Variants in ADAMTS16 observed in about 807,000 individuals in gnomAD.
The protein encoded by ADAMTS16 is ADAM metallopeptidase with thrombospondin type 1 motif 16.
In ADAMTS16, 94 loss-of-function variants were observed where a neutral mutation model predicts 145.8. The observed-to-expected ratio is 0.64, with a 90% CI of 0.55 to 0.77. The LOEUF is 0.77. Ranked by LOEUF, ADAMTS16 falls within the 30% of genes least tolerant of loss-of-function variation. The pLI is 0.00. For missense variants in ADAMTS16, 1,585 were observed against 1,591.5 expected (o/e 1.00, Z 0.07); for synonymous variants, 659 against 604.3 (o/e 1.09, Z -1.33).
chr5:5,312,894 A>T (rs1415363054), intron 21 of ADAMTS16, among the ~76,000 whole-genome samples: 1 of 152,224 alleles, frequency 6.6e-6, no homozygotes, highest in African/African-American at 2.4e-5. Flanking sequence ...GGTCAGGGAC[A>T]AAGAGGAAAC....
At chr5:5,178,400 A>G (rs1212637346) in intron 3 of ADAMTS16, among the ~76,000 whole-genome samples, 2 of 152,332 alleles carry the variant, frequency 1.3e-5, no homozygotes, top group East Asian at 3.9e-4. Flanking sequence ...AGACATTTTG[A>G]GTTTCCAAAC....
At chr5:5,274,749 T>C (rs1560982090) in intron 18 of ADAMTS16, among the ~76,000 whole-genome samples, 2 of 151,628 alleles carry the variant, frequency 1.3e-5, no homozygotes, top group African/African-American at 2.4e-5. Flanking sequence ...TATATATATA[T>C]ACACATATAT....
At chr5:5,298,961 G>A (rs1465809023) in intron 18 of ADAMTS16, among the ~76,000 whole-genome samples, 3 of 151,834 alleles carry the variant, frequency 2.0e-5, no homozygotes, top group Admixed American at 1.3e-4. Context: ...GAGTCCCCAC[G>A]TCTAACTCTG....
In ADAMTS16 at chr5:5,173,631, G is replaced by A. The variant is rs556601788; in HGVS notation, c.502-8413G>A. 6.6e-5 allele frequency among the ~76,000 whole-genome samples: 10 copies of A among 151,910 alleles called. No individual in the cohort carries two copies. In the South Asian group the frequency reaches 1.0e-3, roughly 16 times the overall value. ...TGGGACTACAGGTGCCCGCCACCAC[G>A]CCCAGCTAATTTTTTGTATTTTTAG... On this transcript the variant is annotated intron_variant, in intron 3 of 22. Coordinates refer to ENST00000274181, the MANE Select transcript of ADAMTS16 (RefSeq NM_139056.4).
chr5:5,310,622 G>A lies in ADAMTS16; in HGVS notation c.3411+3894G>A, dbSNP rs910559531. Among the ~76,000 whole-genome samples, 7 of 152,224 alleles carry A rather than the reference G, an allele frequency of 4.6e-5. No homozygotes were observed. The highest frequency in any genetic ancestry group is 2.1e-4 in the South Asian group (1 of 4,816). On this transcript the variant is annotated intron_variant, in intron 21 of 22. Transcript: ENST00000274181. This position sits in a 1 kb window ranked among gnomAD's most constrained non-coding sequence, Gnocchi z 4.3. The stretch of plus-strand genomic sequence containing the variant: ...GTGATGGGTGACAGAGGCAGGCATC[G>A]GAGTGGTGCCCATATGACAAAGAAC...
chr5:5,158,909 G>A (rs1341323930), intron 3 of ADAMTS16, among the ~76,000 whole-genome samples: 1 of 152,196 alleles, frequency 6.6e-6, no homozygotes. Context: ...TGCCTATCGT[G>A]TATTAAGATT....
intron 3 of ADAMTS16, among the ~76,000 whole-genome samples, chr5:5,163,290 C>T (rs4701692): frequency 1.1e-4 from 16 of 152,112 alleles, no homozygotes; most frequent in Non-Finnish European, 1.5e-4. Flanking sequence ...ATTGGGTAAC[C>T]TGAGCATAAA....
At chr5:5,192,358 A>C (rs1378343252) in intron 8 of ADAMTS16, among the ~76,000 whole-genome samples, 1 of 152,112 alleles carries the variant, frequency 6.6e-6, no homozygotes, top group Non-Finnish European at 1.5e-5. Flanking sequence ...ATCTCATTCC[A>C]TGGTTAGCTG....
At chr5:5,209,882 G>A (rs180832066) in intron 10 of ADAMTS16, among the ~76,000 whole-genome samples, 1 of 152,206 alleles carries the variant, frequency 6.6e-6, no homozygotes, top group East Asian at 1.9e-4. Context: ...CTATTTTTAA[G>A]GTTTCTTTTA....
In ADAMTS16 at chr5:5,235,023, T is replaced by C. The variant is rs762948044; in HGVS notation, c.1860T>C (p.His620=). The change falls in exon 13 of 23, where the codon CAT becomes CAC. Residue 620 remains histidine (H), a synonymous_variant. Coordinates refer to ENST00000274181, the MANE Select transcript of ADAMTS16 (RefSeq NM_139056.4). ...AAAATACACATTCCAGGCCATCGCA[T>C]GGAGGGAAGTTCTGTGAGGGCTCCA... is the stretch of plus-strand genomic sequence containing the variant. The part of the protein sequence containing the change: ...SRLCTNPKPS[H]GGKFCEGSTR... The C allele has an allele frequency of 3.2e-6, 5 of 1,573,758 alleles. No homozygotes were observed. Among genetic ancestry groups the C allele is most frequent in the Non-Finnish European group, 4.3e-6 (5 of 1,151,652 alleles).
At chr5:5,265,084 G>A (rs73735775) in intron 18 of ADAMTS16, among the ~76,000 whole-genome samples, 18,011 of 152,212 alleles carry the variant, frequency 0.12, 1,275 homozygotes, top group East Asian at 0.27. Context: ...CACCCTCATC[G>A]TTTAGGAAAT....
intron 3 of ADAMTS16, among the ~76,000 whole-genome samples, chr5:5,169,217 T>C (rs1734980362): frequency 6.6e-6 from 1 of 152,210 alleles, no homozygotes; most frequent in African/African-American, 2.4e-5. Context: ...GGAAGTTCTA[T>C]TTAATAATTA....
chr5:5,273,533 A>G (rs919293241), intron 18 of ADAMTS16, among the ~76,000 whole-genome samples: 11 of 152,210 alleles, frequency 7.2e-5, no homozygotes, highest in African/African-American at 2.7e-4. Context: ...AAATAAATGT[A>G]TGAAATAAAA....
chr5:5,211,055 T>A (rs73035040), intron 10 of ADAMTS16, among the ~76,000 whole-genome samples: 10,083 of 152,232 alleles, frequency 0.066, 1,102 homozygotes, highest in African/African-American at 0.23. Flanking sequence ...TTCTTTCTCA[T>A]AATTTATTTT....
rs189462258 is a variant in ADAMTS16, at chr5:5,304,420, G to A, written c.3186+654G>A. 2.2e-3 allele frequency among the ~76,000 whole-genome samples: 332 copies of A among 152,148 alleles called. 4 individuals carry two copies. The highest frequency in any genetic ancestry group is 7.8e-3 in the African/African-American group (325 of 41,516). On this transcript the variant is annotated intron_variant, in intron 20 of 22. Transcript: ENST00000274181. ...ACCAAGTGGTTCCAAAAGCACTTTG[G>A]AAATCTTACACCCCACAGAGTGGCA...
chr5:5,315,683 T>G (rs952694640), intron 21 of ADAMTS16, among the ~76,000 whole-genome samples: 20 of 152,168 alleles, frequency 1.3e-4, no homozygotes, highest in Admixed American at 7.2e-4. Context: ...AGAGGGTGTC[T>G]GGAATGCAGA....
chr5:5,187,007 T>C (rs2126569627), intron 5 of ADAMTS16, among the ~76,000 whole-genome samples: 1 of 152,328 alleles, frequency 6.6e-6, no homozygotes, highest in African/African-American at 2.4e-5. Flanking sequence ...ACTGAACCAC[T>C]AGATTTCTGG....
chr5:5,227,845 A>G (rs76435874), intron 11 of ADAMTS16, among the ~76,000 whole-genome samples: 2,080 of 152,306 alleles, frequency 0.014, 46 homozygotes, highest in African/African-American at 0.048. Context: ...GACTGGAAAT[A>G]ATGCAAATGT....
intron 10 of ADAMTS16, among the ~76,000 whole-genome samples, chr5:5,212,139 C>G (rs1736286059): frequency 6.6e-6 from 1 of 151,620 alleles, no homozygotes; most frequent in African/African-American, 2.4e-5. Context: ...AAATCTCCAG[C>G]AATTATTACG....
Sources: gnomAD v4.1 joint callset for allele counts (sites outside exome capture counted in the v4.1 genomes callset) on GRCh38, gnomAD v4.1.1 for gene constraint, Gnocchi (gnomAD v3.1) non-coding constraint, MANE v1.5 for transcripts, NCBI Gene and HGNC (gene_info 2026-07-23, HGNC 2026-07-21) for gene names.